The following HSF2BP variants were observed in gnomAD, a reference collection of about 807,000 sequenced individuals.
The protein encoded by HSF2BP is heat shock factor 2-binding protein.
HSF2BP carries 35 observed loss-of-function variants against 35.0 expected under a neutral mutation model. That is an observed-to-expected ratio of 1.00 (90% CI 0.76 to 1.32). The LOEUF (loss-of-function observed/expected upper bound fraction) is 1.32, where lower values mean the gene tolerates loss of function less well. Ranked by LOEUF, HSF2BP falls within the 40% of genes most tolerant of loss-of-function variation. The pLI is 0.00. For synonymous variants in HSF2BP, 114 were observed against 117.4 expected, an observed-to-expected ratio of 0.97 and a Z score of 0.18; for missense variants, 326 against 321.7, an observed-to-expected ratio of 1.01 and a Z score of -0.10.
intron 8 of HSF2BP, among the ~76,000 whole-genome samples, chr21:43,577,034 A>G (rs548290095): frequency 6.6e-6 from 1 of 152,286 alleles, no homozygotes; most frequent in South Asian, 2.1e-4. Context: ...AAGTGATGTC[A>G]GCGACACCAT....
At chr21:43,625,264 C>T (rs184041016) in intron 6 of HSF2BP, among the ~76,000 whole-genome samples, 58 of 152,054 alleles carry the variant, frequency 3.8e-4, no homozygotes, top group African/African-American at 1.3e-3. Context: ...TGAAAAATGA[C>T]GAAAGACAAC....
At position 43,597,586 on chromosome 21, in the gene HSF2BP, T is replaced by A. The variant is rs2082002229; in HGVS notation, c.693-5258A>T. Reference sequence around the variant, plus strand: ...CTCAGGCTGGAATGCAGTGGCACAGTCATTATTCACTGCCACCTAGAATTC... The same window carrying A: ...CTCAGGCTGGAATGCAGTGGCACAGACATTATTCACTGCCACCTAGAATTC... On this transcript the variant is annotated intron_variant, in intron 7 of 8. Coordinates refer to ENST00000291560, the MANE Select transcript of HSF2BP (RefSeq NM_007031.2). This position sits in a 1 kb window ranked among gnomAD's most constrained non-coding sequence, Gnocchi z 4.3. 1.3e-5 allele frequency among the ~76,000 whole-genome samples: 2 copies of A among 152,344 alleles called. No homozygotes were observed. Among genetic ancestry groups the A allele is most frequent in the South Asian group, 4.1e-4 (2 of 4,830 alleles).
intron 8 of HSF2BP, among the ~76,000 whole-genome samples, chr21:43,590,683 G>A (rs939817896): frequency 6.6e-6 from 1 of 152,118 alleles, no homozygotes; most frequent in African/African-American, 2.4e-5. Flanking sequence ...GGATAGACAT[G>A]GATGGGTCTC....
the HSF2BP span, among the ~76,000 whole-genome samples, chr21:43,467,934 C>T: frequency 1.4e-4 from 12 of 87,572 alleles, no homozygotes; most frequent in African/African-American, 5.6e-4. Flanking sequence ...CCACACACCA[C>T]ACACACACAC....
intron 7 of HSF2BP, among the ~76,000 whole-genome samples, chr21:43,593,342 C>T (rs1357392481): frequency 2.6e-5 from 4 of 152,114 alleles, no homozygotes; most frequent in African/African-American, 9.7e-5. Context: ...TAGAAGCTCC[C>T]CCAGCTTCCT....
chr21:43,589,759 C>G (rs1290525475), intron 8 of HSF2BP, among the ~76,000 whole-genome samples: 1 of 152,000 alleles, frequency 6.6e-6, no homozygotes, highest in Non-Finnish European at 1.5e-5. Flanking sequence ...CCCTGGAGAA[C>G]AAAGTCTTCA....
intron 7 of HSF2BP, among the ~76,000 whole-genome samples, chr21:43,594,990 G>A (rs1244671765): frequency 6.6e-6 from 1 of 152,170 alleles, no homozygotes; most frequent in Admixed American, 6.5e-5. Context: ...GCCAGGAGTG[G>A]TGGCTCACAC....
chr21:43,616,732 G>A (rs1021892996), intron 6 of HSF2BP, among the ~76,000 whole-genome samples: 5 of 152,156 alleles, frequency 3.3e-5, no homozygotes, highest in African/African-American at 9.7e-5. Context: ...TGGAGATCAA[G>A]ATCATCCTGG....
chr21:43,616,001 C>T (rs1457611061), intron 6 of HSF2BP, among the ~76,000 whole-genome samples: 1 of 146,592 alleles, frequency 6.8e-6, no homozygotes, highest in Non-Finnish European at 1.5e-5. Context: ...GTTTGTTACA[C>T]AGCAATAGAA....
intron 4 of HSF2BP, among the ~76,000 whole-genome samples, chr21:43,635,306 C>T (rs2082536743): frequency 6.6e-6 from 1 of 152,148 alleles, no homozygotes; most frequent in Admixed American, 6.5e-5. Flanking sequence ...TCTCAGCAGA[C>T]TTCTGTACAA....
At chr21:43,612,222 A>G (rs2082214007) in intron 7 of HSF2BP, among the ~76,000 whole-genome samples, 1 of 152,232 alleles carries the variant, frequency 6.6e-6, no homozygotes, top group Non-Finnish European at 1.5e-5. Flanking sequence ...GTCCAGGATA[A>G]ATCCAAAATT....
intron 7 of HSF2BP, 32 bp downstream of exon 7, chr21:43,613,798 T>C (rs192869992): frequency 5.0e-4 from 702 of 1,396,170 alleles, no homozygotes; most frequent in Non-Finnish European, 6.3e-4. Context: ...AATATGTAAA[T>C]AGAATTAACT....
rs114643044 is a variant in HSF2BP at position 43,649,851 on chromosome 21, G to A, written c.188-5459C>T. 7.0e-3 allele frequency among the ~76,000 whole-genome samples: 1,061 copies of A among 152,292 alleles called. 14 individuals carry two copies. The highest frequency in any genetic ancestry group is 0.023 in the African/African-American group (959 of 41,564). ...AAGCAAAGAATTGCTCGATCTTAGC[G>A]ATTTAATTGTAAAACAAAAATATCT... On this transcript the variant is annotated intron_variant, in intron 3 of 8. Transcript: ENST00000291560.
intron 3 of HSF2BP, among the ~76,000 whole-genome samples, chr21:43,649,478 T>A (rs1301155516): frequency 6.6e-6 from 1 of 152,074 alleles, no homozygotes; most frequent in Non-Finnish European, 1.5e-5. Context: ...CTCACCAGCG[T>A]ATCATGGCTA....
At chr21:43,636,195 GAAAA>G (rs1255619474) in intron 4 of HSF2BP, among the ~76,000 whole-genome samples, 1 of 95,408 alleles carries the variant, frequency 1.0e-5, no homozygotes, top group Non-Finnish European at 2.1e-5. Context: ...TCTCAAGAAA[GAAAA>G]AAAAGAAAGA....
intron 4 of HSF2BP, 95 bp downstream of exon 4, chr21:43,644,193 GA>G: frequency 1.3e-6 from 1 of 794,790 alleles, no homozygotes; most frequent in Non-Finnish European, 2.2e-6. Flanking sequence ...TGAGGATTAA[GA>G]GTAAAAAATT....
chr21:43,632,419 CCACACACACACACAGTCA>C (rs1161157954), intron 5 of HSF2BP, among the ~76,000 whole-genome samples: 8 of 136,992 alleles, frequency 5.8e-5, no homozygotes, highest in Non-Finnish European at 1.1e-4. Context: ...ACACATGCTC[CCACACACACACACAGTCA>C]CACACACATG....
At chr21:43,604,149 G>C (rs975717997) in intron 7 of HSF2BP, among the ~76,000 whole-genome samples, 2 of 151,822 alleles carry the variant, frequency 1.3e-5, no homozygotes, top group African/African-American at 4.8e-5. Flanking sequence ...GAAATGACAG[G>C]CAACAGGGCA....
chr21:43,581,346 T>A (rs374262), intron 8 of HSF2BP, among the ~76,000 whole-genome samples: 151,502 of 151,604 alleles, frequency 1, 75,701 homozygotes, highest in Middle Eastern at 1. Context: ...AGATCACGCC[T>A]CTGAACTCCA....
Sources: gnomAD v4.1 joint callset for allele counts (sites outside exome capture counted in the v4.1 genomes callset) on GRCh38, gnomAD v4.1.1 for gene constraint, Gnocchi (gnomAD v3.1) non-coding constraint, MANE v1.5 for transcripts, NCBI Gene and HGNC (gene_info 2026-07-23, HGNC 2026-07-21) for gene names.